Variants in RNF130 observed in about 807,000 individuals in gnomAD.
RNF130 encodes the protein ring finger protein 130.
A neutral mutation model predicts 44.6 loss-of-function variants in RNF130; 21 were observed. The ratio of observed to expected loss-of-function variants is 0.47; its 90% CI spans 0.33 to 0.68. RNF130 has a LOEUF of 0.68. Among genes scored for constraint, RNF130 ranks in the 30% least tolerant of loss-of-function variants. RNF130 has a pLI of 0.02. For synonymous variants in RNF130, 214 were observed against 210.4 expected (o/e 1.02, Z -0.15); for missense variants, 479 against 560.6 (o/e 0.85, Z 1.47).
intron 1 of RNF130, among the ~76,000 whole-genome samples, chr5:180,068,345 T>C (rs927456732): frequency 7.2e-5 from 11 of 152,240 alleles, no homozygotes; most frequent in African/African-American, 2.2e-4. Flanking sequence ...GATCTGTGCA[T>C]AAATACAAGA....
intron 7 of RNF130, among the ~76,000 whole-genome samples, chr5:179,924,494 G>GA (rs35214110): frequency 0.16 from 21,192 of 131,870 alleles, 5,074 homozygotes; most frequent in African/African-American, 0.52. Context: ...AACTCTGTCT[G>GA]AAAAAAAAAA....
chr5:179,951,170 C>T (rs946461928), downstream of RNF130, among the ~76,000 whole-genome samples: 8 of 152,052 alleles, frequency 5.3e-5, no homozygotes, highest in Non-Finnish European at 1.2e-4. Context: ...TCTTCAACCC[C>T]GTATGCACCT....
Position 179,966,924 on chromosome 5 carries a change from G to A in RNF130, c.1032C>T (p.Gly344=), listed in dbSNP as rs150981496. ...CAAGGGAGTTGTCGCCGGCGAGGTC[G>A]CCGAGGGCTGATCTTCGGTTAACAG... The part of the protein sequence containing the change: ...TQAVNRRSAL[G]DLAGDNSLGL... The change falls in exon 7 of 9, where the codon GGC becomes GGT. Residue 344 remains glycine (G), a synonymous_variant. Transcript: ENST00000521389. The A allele has an allele frequency of 1.1e-4, 179 of 1,614,116 alleles. No homozygotes were observed. Among genetic ancestry groups the A allele is most frequent in the Non-Finnish European group, 1.4e-4 (160 of 1,180,048 alleles).
intron 2 of RNF130, among the ~76,000 whole-genome samples, chr5:180,025,525 T>C (rs1763965693): frequency 6.6e-6 from 1 of 152,210 alleles, no homozygotes; most frequent in African/African-American, 2.4e-5. Flanking sequence ...ATTAAGAGCT[T>C]ATGGAAGTTT....
At chr5:180,010,935 A>G (rs1395672135) in intron 3 of RNF130, among the ~76,000 whole-genome samples, 2 of 152,222 alleles carry the variant, frequency 1.3e-5, no homozygotes, top group African/African-American at 4.8e-5. Flanking sequence ...CAGTGTATTT[A>G]GGAAGATCAG....
intron 2 of RNF130, among the ~76,000 whole-genome samples, chr5:180,020,288 C>T (rs917390165): frequency 3.2e-4 from 49 of 152,204 alleles, no homozygotes; most frequent in African/African-American, 1.1e-3. Context: ...CGCTGATGAA[C>T]GGGGAGCAGT....
At chr5:179,967,111 T>C in intron 6 of RNF130, 101 bp from the exon 7 acceptor site, 1 of 1,042,126 alleles carries the variant, frequency 9.6e-7, no homozygotes, top group Non-Finnish European at 1.4e-6. Context: ...TGCAAAGACC[T>C]TACCAGGTTC....
intron 1 of RNF130, among the ~76,000 whole-genome samples, chr5:180,045,374 T>C (rs1263134579): frequency 1.3e-5 from 2 of 152,176 alleles, no homozygotes; most frequent in East Asian, 1.9e-4. Flanking sequence ...TTCTTACTGG[T>C]GGGTTCGTGG....
At chr5:180,045,205 G>A (rs1764528783) in intron 1 of RNF130, among the ~76,000 whole-genome samples, 1 of 152,184 alleles carries the variant, frequency 6.6e-6, no homozygotes, top group Admixed American at 6.5e-5. Flanking sequence ...ATTCAGGTAA[G>A]AATAGTATGT....
At chr5:179,990,681 G>A (rs563562256) in intron 3 of RNF130, among the ~76,000 whole-genome samples, 23 of 152,308 alleles carry the variant, frequency 1.5e-4, no homozygotes, top group African/African-American at 5.3e-4. Context: ...GGTAATGGGC[G>A]TCTTCCCAGA....
At chr5:179,968,164 G>A (rs556512366) in intron 6 of RNF130, among the ~76,000 whole-genome samples, 56 of 152,054 alleles carry the variant, frequency 3.7e-4, no homozygotes, top group African/African-American at 1.2e-3. Flanking sequence ...GCATGGTGGC[G>A]GGTGCCTGTA....
chr5:179,971,428 C>T (rs1003681587), intron 5 of RNF130, among the ~76,000 whole-genome samples: 6 of 152,196 alleles, frequency 3.9e-5, no homozygotes, highest in African/African-American at 9.6e-5. Flanking sequence ...GAAGTGCAGT[C>T]GTGCAATCTC....
chr5:180,060,834 C>T (rs1764962669), intron 1 of RNF130, among the ~76,000 whole-genome samples: 1 of 152,076 alleles, frequency 6.6e-6, no homozygotes, highest in African/African-American at 2.4e-5. Flanking sequence ...CTTTGGGAGG[C>T]CGAGGTGGGC....
intron 3 of RNF130, among the ~76,000 whole-genome samples, chr5:179,980,886 G>A (rs948274012): frequency 1.2e-4 from 18 of 152,186 alleles, no homozygotes; most frequent in Non-Finnish European, 1.9e-4. Flanking sequence ...ATGAAGAGAT[G>A]GTGATCCCTA....
chr5:179,992,391 C>T (rs773044487), intron 3 of RNF130, among the ~76,000 whole-genome samples: 94 of 152,342 alleles, frequency 6.2e-4, no homozygotes, highest in Non-Finnish European at 1.0e-3. Flanking sequence ...ATCCACCCAC[C>T]TCATCCTCCC....
At chr5:179,932,346 C>A (rs1172773552) in intron 7 of RNF130, among the ~76,000 whole-genome samples, 1 of 152,046 alleles carries the variant, frequency 6.6e-6, no homozygotes, top group East Asian at 2.0e-4. Flanking sequence ...AAACCTCCAC[C>A]TCCCAGGTTC....
rs542723338 is a variant in RNF130 at position 179,960,479 on chromosome 5, G to C, written c.1244+2992C>G. On this transcript the variant is annotated intron_variant, in intron 8 of 8. Transcript: ENST00000521389. ...GCACGAAGCCCTTGGTCAATGCACCGAGCGTGGTGAGGAAGGGATGGGGGC... is the reference window on the plus strand; with the variant it reads ...GCACGAAGCCCTTGGTCAATGCACCCAGCGTGGTGAGGAAGGGATGGGGGC... 1.1e-3 allele frequency among the ~76,000 whole-genome samples: 175 copies of C among 152,308 alleles called. 2 individuals carry two copies. The highest frequency in any genetic ancestry group is 4.1e-3 in the African/African-American group (169 of 41,550).
At chr5:179,984,106 A>C (rs1013627649) in intron 3 of RNF130, among the ~76,000 whole-genome samples, 1 of 152,200 alleles carries the variant, frequency 6.6e-6, no homozygotes, top group African/African-American at 2.4e-5. Context: ...AAATAAAATT[A>C]ATTCTTTCAT....
chr5:179,948,102 G>T (rs1762071074), intron 7 of RNF130, among the ~76,000 whole-genome samples: 1 of 152,170 alleles, frequency 6.6e-6, no homozygotes, highest in African/African-American at 2.4e-5. Flanking sequence ...TTCTGACTTT[G>T]CCCCTTAGCA....
Sources: allele counts gnomAD v4.1 joint callset (sites outside exome capture counted in the v4.1 genomes callset), GRCh38; gene constraint gnomAD v4.1.1; transcripts MANE v1.5; gene names NCBI Gene and HGNC (gene_info 2026-07-23, HGNC 2026-07-21).